The following RASGRF2 variants were observed in gnomAD, a reference collection of about 807,000 sequenced individuals.
The protein encoded by RASGRF2 is ras-specific guanine nucleotide-releasing factor 2.
RASGRF2 carries 76 observed loss-of-function variants against 151.0 expected under a neutral mutation model. The ratio of observed to expected loss-of-function variants is 0.50; its 90% confidence interval spans 0.42 to 0.61. The LOEUF is 0.61. RASGRF2 is among the 20% of genes least tolerant of loss of function. The pLI is 0.00. For missense variants in RASGRF2, 1,148 were observed against 1,564.6 expected (o/e 0.73, Z 4.49); for synonymous variants, 504 against 566.5 (o/e 0.89, Z 1.57).
intron 17 of RASGRF2, among the ~76,000 whole-genome samples, chr5:81,165,661 C>CTA (rs2112647486): frequency 6.6e-6 from 1 of 152,332 alleles, no homozygotes; most frequent in East Asian, 1.9e-4. Flanking sequence ...TGATGCTGCT[C>CTA]TAGGCCATGT....
At chr5:81,084,212 A>G (rs1047546223) in intron 7 of RASGRF2, among the ~76,000 whole-genome samples, 3 of 152,238 alleles carry the variant, frequency 2.0e-5, no homozygotes, top group Non-Finnish European at 2.9e-5. Context: ...TCAGTGCATT[A>G]TAAGTACTCA....
intron 17 of RASGRF2, among the ~76,000 whole-genome samples, chr5:81,127,700 G>A (rs1000933109): frequency 6.6e-6 from 1 of 151,760 alleles, no homozygotes; most frequent in Admixed American, 6.6e-5. Flanking sequence ...GAGGCAAGCG[G>A]ATCACCTGAG....
chr5:80,977,754 G>T (rs1248317263), intron 1 of RASGRF2, among the ~76,000 whole-genome samples: 1 of 152,148 alleles, frequency 6.6e-6, no homozygotes, highest in African/African-American at 2.4e-5. Flanking sequence ...ACTGCACCTG[G>T]CCCAAAATGT....
chr5:81,208,989 G>A (rs555422709), intron 22 of RASGRF2, among the ~76,000 whole-genome samples: 2 of 152,162 alleles, frequency 1.3e-5, no homozygotes, highest in Non-Finnish European at 2.9e-5. Flanking sequence ...GCTCAATAAT[G>A]TACAGGTTGC....
chr5:81,039,953 A>G (rs1750630074), intron 1 of RASGRF2, among the ~76,000 whole-genome samples: 1 of 152,154 alleles, frequency 6.6e-6, no homozygotes, highest in Non-Finnish European at 1.5e-5. Flanking sequence ...TCATTCACTC[A>G]TTTAAAAAAA....
chr5:81,081,067 C>T (rs1161486143), intron 7 of RASGRF2, among the ~76,000 whole-genome samples: 2 of 152,134 alleles, frequency 1.3e-5, no homozygotes, highest in African/African-American at 4.8e-5. Context: ...AGAAAGATTC[C>T]ACACAGACCT....
At chr5:81,023,658 C>T (rs142779660) in intron 1 of RASGRF2, among the ~76,000 whole-genome samples, 5 of 152,338 alleles carry the variant, frequency 3.3e-5, no homozygotes, top group African/African-American at 7.2e-5. Context: ...GCCTCAGACA[C>T]GCTTTAACCT....
At chr5:81,194,974 G>A (rs1486721087) in intron 18 of RASGRF2, among the ~76,000 whole-genome samples, 1 of 152,200 alleles carries the variant, frequency 6.6e-6, no homozygotes, top group Non-Finnish European at 1.5e-5. Context: ...TGAGAGCAGG[G>A]CGGTTTCTTC....
intron 1 of RASGRF2, among the ~76,000 whole-genome samples, chr5:81,004,719 C>T (rs1749208407): frequency 1.3e-5 from 2 of 152,192 alleles, no homozygotes; most frequent in Admixed American, 1.3e-4. Flanking sequence ...GTTGAAATGG[C>T]TCTGGAGAAT....
intron 19 of RASGRF2, 80 bp downstream of exon 19, chr5:81,201,522 T>G: frequency 1.4e-6 from 2 of 1,451,998 alleles, no homozygotes; most frequent in East Asian, 2.3e-5. Context: ...CCAATAAATC[T>G]TAGAATCCTG....
intron 2 of RASGRF2, among the ~76,000 whole-genome samples, chr5:81,049,721 C>G (rs1323993833): frequency 6.6e-6 from 1 of 152,122 alleles, no homozygotes; most frequent in Non-Finnish European, 1.5e-5. Context: ...CTGGCACTAT[C>G]CCCAGGAAAT....
In RASGRF2 at chr5:81,152,721, G is replaced by A. The variant is rs555367233; in HGVS notation, c.2686+25558G>A. Among the ~76,000 whole-genome samples, 8 of 152,280 alleles carry A rather than the reference G, an allele frequency of 5.3e-5. No individual in the cohort carries two copies. The South Asian group carries it at 1.7e-3, about 32-fold the overall frequency. ...ACCATTTATGAACTCCTGAAATCTA[G>A]CACAGGCATACCAAAATAGAAAAGC... On this transcript the variant is annotated intron_variant, in intron 17 of 26. Coordinates refer to ENST00000265080, the MANE Select transcript of RASGRF2 (RefSeq NM_006909.3).
intron 1 of RASGRF2, among the ~76,000 whole-genome samples, chr5:80,994,382 A>AG (rs1285216223): frequency 6.7e-6 from 1 of 148,972 alleles, no homozygotes; most frequent in Non-Finnish European, 1.5e-5. Flanking sequence ...AAAAAAAAAA[A>AG]AGAGGTAGTA....
At chr5:81,034,191 T>C (rs1580232086) in intron 1 of RASGRF2, among the ~76,000 whole-genome samples, 2 of 151,454 alleles carry the variant, frequency 1.3e-5, no homozygotes, top group Non-Finnish European at 2.9e-5. Flanking sequence ...AAAAAACACA[T>C]GAAAAAATGC....
chr5:81,183,817 GAAC>G (rs1463917824), intron 18 of RASGRF2, among the ~76,000 whole-genome samples: 1 of 152,160 alleles, frequency 6.6e-6, no homozygotes, highest in African/African-American at 2.4e-5. Flanking sequence ...CTGAAAATGA[GAAC>G]AACCATCCCT....
chr5:81,026,516 T>C (rs1750037553), intron 1 of RASGRF2, among the ~76,000 whole-genome samples: 1 of 152,124 alleles, frequency 6.6e-6, no homozygotes, highest in Admixed American at 6.6e-5. Flanking sequence ...ATGCCTTCAC[T>C]GCACTCTCAA....
At chr5:81,036,200 T>C (rs906018426) in intron 1 of RASGRF2, among the ~76,000 whole-genome samples, 1 of 152,164 alleles carries the variant, frequency 6.6e-6, no homozygotes, top group African/African-American at 2.4e-5. Context: ...TATTTTAAAA[T>C]AATATGCTTA....
intron 19 of RASGRF2, among the ~76,000 whole-genome samples, chr5:81,204,584 C>T (rs1755465136): frequency 6.6e-6 from 1 of 152,140 alleles, no homozygotes. Context: ...AAAACCTGTA[C>T]TCAAAACTTA....
chr5:81,078,507 C>G (rs566548894), intron 5 of RASGRF2, among the ~76,000 whole-genome samples: 25 of 152,288 alleles, frequency 1.6e-4, no homozygotes, highest in African/African-American at 6.0e-4. Flanking sequence ...ACTTGTCTTT[C>G]TGTACCTGGC....
Sources: allele counts gnomAD v4.1 joint callset (sites outside exome capture counted in the v4.1 genomes callset), GRCh38; gene constraint gnomAD v4.1.1; transcripts MANE v1.5; gene names NCBI Gene and HGNC (gene_info 2026-07-23, HGNC 2026-07-21).